KHDRBS2: variants seen among roughly 807,000 people sequenced by gnomAD.
The protein encoded by KHDRBS2 is KH RNA binding domain containing, signal transduction associated 2.
In KHDRBS2, 26 loss-of-function variants were observed where a neutral mutation model predicts 44.3. The ratio of observed to expected loss-of-function variants is 0.59; its 90% CI spans 0.43 to 0.81. KHDRBS2 has a LOEUF of 0.81. KHDRBS2 is among the 40% of genes least tolerant of loss of function. KHDRBS2 has a pLI of 0.00. For missense variants in KHDRBS2, 476 were observed against 433.1 expected (o/e 1.10, Z -0.88); for synonymous variants, 194 against 151.1 (o/e 1.28, Z -2.08).
chr6:61,756,288 G>A lies in KHDRBS2; in HGVS notation c.811-23524C>T, dbSNP rs140399305. ...TATTTTTTTTTTGAGATGGAATCCC[G>A]CTCTGTTGCCCAGGCTTGAGTACAG... On this transcript the variant is annotated intron_variant, in intron 6 of 8. Transcript: ENST00000281156. Among the ~76,000 whole-genome samples the A allele has an allele frequency of 3.4e-3, 509 of 151,324 alleles. 1 individual carries two copies. The highest frequency in any genetic ancestry group is 5.2e-3 in the Non-Finnish European group (353 of 67,846).
chr6:61,803,560 G>A (rs1786632898), intron 6 of KHDRBS2, among the ~76,000 whole-genome samples: 1 of 151,872 alleles, frequency 6.6e-6, no homozygotes. Flanking sequence ...TAATACTATT[G>A]GGCAGTGTAT....
chr6:61,607,966 G>T, the KHDRBS2 span, among the ~76,000 whole-genome samples: 1 of 152,118 alleles, frequency 6.6e-6, no homozygotes, highest in Admixed American at 6.6e-5. Context: ...GGGATTACAG[G>T]TGTGAGACAC....
chr6:62,064,234 C>T (rs1050987466), intron 2 of KHDRBS2, among the ~76,000 whole-genome samples: 15 of 143,766 alleles, frequency 1.0e-4, no homozygotes, highest in African/African-American at 3.6e-4. Flanking sequence ...CAATGCCATC[C>T]CCATCAAGCT....
At chr6:62,119,665 CTGA>C (rs1320938692) in intron 2 of KHDRBS2, among the ~76,000 whole-genome samples, 6 of 152,200 alleles carry the variant, frequency 3.9e-5, no homozygotes, top group African/African-American at 1.2e-4. Context: ...CTTGTAAACT[CTGA>C]TAAGCCTTTC....
chr6:62,037,424 A>C (rs1347567616), intron 3 of KHDRBS2, among the ~76,000 whole-genome samples: 1 of 150,544 alleles, frequency 6.6e-6, no homozygotes, highest in Non-Finnish European at 1.5e-5. Context: ...TCAAATTCTG[A>C]AAAAAAAATA....
intron 6 of KHDRBS2, among the ~76,000 whole-genome samples, chr6:61,836,055 T>A (rs1055001307): frequency 6.6e-6 from 1 of 151,958 alleles, no homozygotes; most frequent in Non-Finnish European, 1.5e-5. Context: ...CAAGAGAGAT[T>A]AAGTACTATA....
chr6:61,823,502 C>T (rs1790334003), intron 6 of KHDRBS2, among the ~76,000 whole-genome samples: 1 of 150,698 alleles, frequency 6.6e-6, no homozygotes, highest in Admixed American at 6.6e-5. Context: ...GTCTAATGTG[C>T]CAAGTGAGCA....
chr6:62,101,582 G>C (rs1801913930), intron 2 of KHDRBS2, among the ~76,000 whole-genome samples: 1 of 152,190 alleles, frequency 6.6e-6, no homozygotes, highest in South Asian at 2.1e-4. Context: ...GGGAAGAATA[G>C]TAGGATTCTG....
At chr6:62,175,730 T>C (rs1378966478) in intron 2 of KHDRBS2, among the ~76,000 whole-genome samples, 1 of 151,524 alleles carries the variant, frequency 6.6e-6, no homozygotes. Flanking sequence ...AAAATAAAAC[T>C]TCACACAAAA....
chr6:61,788,870 A>G (rs1308753259), intron 6 of KHDRBS2, among the ~76,000 whole-genome samples: 3 of 151,282 alleles, frequency 2.0e-5, no homozygotes, highest in African/African-American at 7.2e-5. Flanking sequence ...AAATTTTCCA[A>G]TAAATTTTAA....
At chr6:61,992,534 C>T (rs544361380) in intron 3 of KHDRBS2, among the ~76,000 whole-genome samples, 13 of 152,088 alleles carry the variant, frequency 8.5e-5, no homozygotes, top group African/African-American at 2.9e-4. Context: ...TCAATTGTAT[C>T]CTGCCTCAGA....
the KHDRBS2 span, among the ~76,000 whole-genome samples, chr6:61,591,455 A>G: frequency 1.3e-5 from 2 of 152,166 alleles, no homozygotes; most frequent in Non-Finnish European, 2.9e-5. Context: ...AAAATACAAA[A>G]CATGATCTGA....
chr6:61,580,156 G>T, the KHDRBS2 span, among the ~76,000 whole-genome samples: 1 of 152,182 alleles, frequency 6.6e-6, no homozygotes, highest in Non-Finnish European at 1.5e-5. Flanking sequence ...AGCTATGATT[G>T]AAGTAAACTT....
chr6:62,237,087 CT>C lies in KHDRBS2; in HGVS notation c.91+48770del, dbSNP rs575044700. 1.8e-4 allele frequency among the ~76,000 whole-genome samples: 27 copies of C among 152,242 alleles called. No homozygotes were observed. In the South Asian group the frequency reaches 5.6e-3, roughly 32 times the overall value. On this transcript the variant is annotated intron_variant, in intron 1 of 8. Coordinates refer to ENST00000281156, the MANE Select transcript of KHDRBS2 (RefSeq NM_152688.4). ...TTCCTCACTAAATGACGCAAGGTGG[CT>C]TACTTTGTTTTCCAGATTGCCATTG...
intron 6 of KHDRBS2, among the ~76,000 whole-genome samples, chr6:61,866,664 T>C (rs958303030): frequency 1.3e-5 from 2 of 152,226 alleles, no homozygotes; most frequent in African/African-American, 4.8e-5. Context: ...ATTTCTGTGC[T>C]CTGCTTCTCT....
At chr6:61,733,764 A>G (rs1582479259) in intron 6 of KHDRBS2, among the ~76,000 whole-genome samples, 1 of 152,200 alleles carries the variant, frequency 6.6e-6, no homozygotes, top group East Asian at 1.9e-4. Context: ...TATACACTCC[A>G]GTTATCAATC....
At chr6:62,150,836 G>A (rs1273984359) in intron 2 of KHDRBS2, among the ~76,000 whole-genome samples, 2 of 152,146 alleles carry the variant, frequency 1.3e-5, no homozygotes, top group Non-Finnish European at 2.9e-5. Flanking sequence ...AAATCAATGT[G>A]TTAACAATTT....
At chr6:61,916,794 G>T (rs1281942743) in intron 4 of KHDRBS2, among the ~76,000 whole-genome samples, 1 of 151,822 alleles carries the variant, frequency 6.6e-6, no homozygotes, top group Non-Finnish European at 1.5e-5. Flanking sequence ...TATTAGGTCA[G>T]ACAAATAGGT....
chr6:61,727,765 A>C (rs1773810946), intron 7 of KHDRBS2, among the ~76,000 whole-genome samples: 1 of 152,188 alleles, frequency 6.6e-6, no homozygotes, highest in South Asian at 2.1e-4. Context: ...TATTATTAAA[A>C]AGTCAAAAAA....
Sources: allele counts gnomAD v4.1 joint callset (sites outside exome capture counted in the v4.1 genomes callset), GRCh38; gene constraint gnomAD v4.1.1; transcripts MANE v1.5; gene names NCBI Gene and HGNC (gene_info 2026-07-23, HGNC 2026-07-21).